MLLT3: variants seen among roughly 807,000 people sequenced by gnomAD.
The protein encoded by MLLT3 is protein AF-9.
MLLT3 carries 4 observed loss-of-function variants against 53.2 expected under a neutral mutation model. The observed-to-expected ratio is 0.08, with a 90% CI of 0.04 to 0.17. The LOEUF (loss-of-function observed/expected upper bound fraction) is 0.17, where lower values mean the gene tolerates loss of function less well. MLLT3 is among the 10% of genes least tolerant of loss of function. MLLT3 has a pLI of 1.00. For synonymous variants in MLLT3, 283 were observed against 230.6 expected, an observed-to-expected ratio of 1.23 and a Z score of -2.06; for missense variants, 569 against 684.0, an observed-to-expected ratio of 0.83 and a Z score of 1.87.
intron 2 of MLLT3, among the ~76,000 whole-genome samples, chr9:20,554,533 A>C (rs1819006277): frequency 6.6e-6 from 1 of 152,220 alleles, no homozygotes; most frequent in African/African-American, 2.4e-5. Flanking sequence ...GCAATAAGAA[A>C]GAAAATCAAT....
intron 4 of MLLT3, among the ~76,000 whole-genome samples, chr9:20,415,818 TA>T (rs1342410921): frequency 6.6e-6 from 1 of 152,012 alleles, no homozygotes; most frequent in African/African-American, 2.4e-5. Context: ...CATCACAAAG[TA>T]ATATCCAAAT....
intron 2 of MLLT3, among the ~76,000 whole-genome samples, chr9:20,498,515 A>C (rs1825138852): frequency 6.6e-6 from 1 of 152,180 alleles, no homozygotes; most frequent in Non-Finnish European, 1.5e-5. Context: ...TTATTCATAT[A>C]ATCTAGATCA....
intron 2 of MLLT3, among the ~76,000 whole-genome samples, chr9:20,485,950 T>C (rs2118913336): frequency 6.6e-6 from 1 of 152,318 alleles, no homozygotes; most frequent in Non-Finnish European, 1.5e-5. Flanking sequence ...CCTTGTACTA[T>C]ATACATATAG....
chr9:20,584,183 CAA>C (rs979865974), intron 2 of MLLT3, among the ~76,000 whole-genome samples: 1 of 152,194 alleles, frequency 6.6e-6, no homozygotes, highest in Non-Finnish European at 1.5e-5. Context: ...TAAAACGTAA[CAA>C]GAGTCACCTT....
chr9:20,532,318 A>ATATAT (rs34982877), intron 2 of MLLT3, among the ~76,000 whole-genome samples: 13 of 151,532 alleles, frequency 8.6e-5, no homozygotes, highest in Admixed American at 7.9e-4. Flanking sequence ...AGGAAAAAAA[A>ATATAT]ATATATATAT....
At chr9:20,477,462 C>T (rs1385571765) in intron 2 of MLLT3, among the ~76,000 whole-genome samples, 2 of 152,068 alleles carry the variant, frequency 1.3e-5, no homozygotes, top group African/African-American at 4.8e-5. Context: ...TGAAAGTAGA[C>T]CCCAATAAGT....
intron 8 of MLLT3, among the ~76,000 whole-genome samples, chr9:20,359,903 A>AATG (rs1821273644): frequency 2.0e-5 from 3 of 152,334 alleles, no homozygotes. Context: ...TTCAATGCTC[A>AATG]ATGAGGCTTT....
At chr9:20,422,134 G>C (rs369384201) in intron 4 of MLLT3, among the ~76,000 whole-genome samples, 1 of 152,066 alleles carries the variant, frequency 6.6e-6, no homozygotes, top group Non-Finnish European at 1.5e-5. Flanking sequence ...GAAGAGAAAT[G>C]GCACTTGAGA....
chr9:20,619,905 C>A (rs771329266), intron 2 of MLLT3, among the ~76,000 whole-genome samples: 1 of 152,176 alleles, frequency 6.6e-6, no homozygotes, highest in Non-Finnish European at 1.5e-5. Context: ...CCACATCGTT[C>A]CTCTTCAACT....
intron 5 of MLLT3, among the ~76,000 whole-genome samples, chr9:20,397,711 T>A (rs1270090555): frequency 6.6e-6 from 1 of 152,198 alleles, no homozygotes. Context: ...AAGGTTGTGA[T>A]AACATCTTCC....
intron 2 of MLLT3, 84 bp from the exon 3 acceptor site, chr9:20,456,870 A>G (rs761402511): frequency 2.9e-6 from 3 of 1,041,170 alleles, no homozygotes; most frequent in Non-Finnish European, 2.8e-6. Context: ...ATCCCATTCT[A>G]CCATCTAGAT....
Position 20,565,419 on chromosome 9 carries a change from G to A in MLLT3, c.193+55235C>T, listed in dbSNP as rs544905396. Among the ~76,000 whole-genome samples, 9 of 152,162 alleles carry A rather than the reference G, an allele frequency of 5.9e-5. 2 individuals are homozygous for A. In the East Asian group the frequency reaches 1.7e-3, roughly 29 times the overall value. ...ACTTACCAACTCACTGCCCAAAAAG[G>A]AAAACTTCTAGAGTAGCCCAGTGGA... On this transcript the variant is annotated intron_variant, in intron 2 of 10. Transcript: ENST00000380338.
At chr9:20,616,396 T>G (rs972105056) in intron 2 of MLLT3, among the ~76,000 whole-genome samples, 7 of 152,198 alleles carry the variant, frequency 4.6e-5, no homozygotes, top group African/African-American at 1.7e-4. Flanking sequence ...TCCCTATTTT[T>G]AAAACAATAT....
intron 8 of MLLT3, among the ~76,000 whole-genome samples, chr9:20,358,474 C>T (rs1821228961): frequency 1.3e-5 from 2 of 152,176 alleles, no homozygotes; most frequent in African/African-American, 4.8e-5. Flanking sequence ...GCTACTTAAT[C>T]AGATAAGGTA....
At chr9:20,485,493 C>T (rs968492772) in intron 2 of MLLT3, among the ~76,000 whole-genome samples, 2 of 152,190 alleles carry the variant, frequency 1.3e-5, no homozygotes, top group Non-Finnish European at 2.9e-5. Flanking sequence ...AAAACCTAAA[C>T]AATATATCTT....
At chr9:20,601,214 G>T (rs899152886) in intron 2 of MLLT3, among the ~76,000 whole-genome samples, 2 of 152,148 alleles carry the variant, frequency 1.3e-5, no homozygotes, top group East Asian at 3.8e-4. Flanking sequence ...CTTTAGTTCA[G>T]AATATTCTCC....
chr9:20,553,734 A>G (rs1222376081), intron 2 of MLLT3, among the ~76,000 whole-genome samples: 2 of 152,206 alleles, frequency 1.3e-5, no homozygotes, highest in African/African-American at 4.8e-5. Context: ...TTACAGATCT[A>G]GAAGACAGGA....
At chr9:20,554,048 G>A (rs1202268522) in intron 2 of MLLT3, among the ~76,000 whole-genome samples, 1 of 152,044 alleles carries the variant, frequency 6.6e-6, no homozygotes, top group Non-Finnish European at 1.5e-5. Context: ...TTCCACATAA[G>A]AATTTTCCTT....
intron 2 of MLLT3, among the ~76,000 whole-genome samples, chr9:20,499,335 C>T (rs981945227): frequency 6.6e-6 from 1 of 152,078 alleles, no homozygotes; most frequent in Admixed American, 6.6e-5. Context: ...TAACTCAGCC[C>T]ATAACAGGCA....
Sources: gnomAD v4.1 joint callset for allele counts (sites outside exome capture counted in the v4.1 genomes callset) on GRCh38, gnomAD v4.1.1 for gene constraint, MANE v1.5 for transcripts, NCBI Gene and HGNC (gene_info 2026-07-23, HGNC 2026-07-21) for gene names.